Variants in CEP128 observed in about 807,000 individuals in gnomAD.
CEP128 encodes centrosomal protein 128, also known as centrosomal protein 128kDa.
In CEP128, 132 loss-of-function variants were observed where a neutral mutation model predicts 156.7. The observed-to-expected ratio is 0.84, with a 90% CI of 0.73 to 0.97. The LOEUF is 0.97. CEP128 is among the 50% of genes least tolerant of loss of function. CEP128 has a pLI of 0.00. For missense variants in CEP128, 1,252 were observed against 1,281.9 expected (o/e 0.98, Z 0.36); for synonymous variants, 469 against 448.9 (o/e 1.04, Z -0.57).
At chr14:80,628,467 A>C (rs1393572995) in intron 19 of CEP128, among the ~76,000 whole-genome samples, 2 of 152,240 alleles carry the variant, frequency 1.3e-5, no homozygotes, top group African/African-American at 4.8e-5. Flanking sequence ...AACTAATTTC[A>C]AACTATGAAC....
At chr14:80,732,757 G>C (rs1021419584) in intron 19 of CEP128, among the ~76,000 whole-genome samples, 1 of 152,052 alleles carries the variant, frequency 6.6e-6, no homozygotes, top group Non-Finnish European at 1.5e-5. Flanking sequence ...ACACCCACAA[G>C]AGTGTTCCTG....
chr14:80,814,551 A>G (rs1229492387), intron 13 of CEP128, among the ~76,000 whole-genome samples: 1 of 152,158 alleles, frequency 6.6e-6, no homozygotes, highest in Admixed American at 6.5e-5. Flanking sequence ...CCTAAGGGCC[A>G]GGGCAAACAA....
intron 23 of CEP128, among the ~76,000 whole-genome samples, chr14:80,516,838 T>C (rs764619742): frequency 1.3e-5 from 2 of 152,184 alleles, no homozygotes. Context: ...TGGGGAAGTG[T>C]AGGCAATTTA....
downstream of CEP128, among the ~76,000 whole-genome samples, chr14:80,488,328 T>C (rs1887217099): frequency 6.9e-6 from 1 of 144,978 alleles, no homozygotes; most frequent in Admixed American, 7.1e-5. Context: ...GTGAAGGATA[T>C]GAACAGACAC....
rs570800482 is a variant in CEP128, at chr14:80,738,135, A to G, written c.2806+4940T>C. ...GAAAAACTGTGAAATGATTTGCAGA[A>G]TAAGTGATAGACGAATGAGTGACTG... On this transcript the variant is annotated intron_variant, in intron 19 of 24. Coordinates refer to ENST00000555265, the MANE Select transcript of CEP128 (RefSeq NM_152446.5). Among the ~76,000 whole-genome samples, 3 of 152,334 alleles carry G rather than the reference A, an allele frequency of 2.0e-5. No individual in the cohort carries two copies. The South Asian group carries it at 6.2e-4, about 32-fold the overall frequency.
chr14:80,634,426 T>C (rs914194259), intron 19 of CEP128, among the ~76,000 whole-genome samples: 2 of 152,230 alleles, frequency 1.3e-5, no homozygotes, highest in Non-Finnish European at 2.9e-5. Context: ...TTTAAAAGTT[T>C]TGAAAGTGGT....
intron 24 of CEP128, among the ~76,000 whole-genome samples, chr14:80,502,137 C>G (rs1333732779): frequency 6.6e-6 from 1 of 152,218 alleles, no homozygotes; most frequent in Non-Finnish European, 1.5e-5. Flanking sequence ...AGCAGGACCT[C>G]TGCTGCTGCT....
At chr14:80,816,400 C>T (rs1884860514) in intron 13 of CEP128, among the ~76,000 whole-genome samples, 1 of 152,118 alleles carries the variant, frequency 6.6e-6, no homozygotes, top group Non-Finnish European at 1.5e-5. Context: ...CAATCAGCCC[C>T]AACTTGTAGA....
In CEP128 at chr14:80,792,902, T is replaced by C. The variant is rs998321054; in HGVS notation, c.1418A>G (p.Glu473Gly). Reference protein sequence around the residue: ...SELQQSEALKEEAEKRREDLK... With the variant: ...SELQQSEALKGEAEKRREDLK... The stretch of plus-strand genomic sequence containing the variant: ...GTCTTCCCTCCTCTTCTCCGCCTCC[T>C]CTTTCAGAGCCTCTGACTGCTGGAG... Residue 473 changes from glutamate to glycine, a missense_variant, in exon 14 of 25, where the codon GAG becomes GGG. By Grantham distance (98) the Glu-to-Gly change is moderately conservative (BLOSUM62 -2). Coordinates refer to ENST00000555265, the MANE Select transcript of CEP128 (RefSeq NM_152446.5). The C allele has an allele frequency of 2.8e-5, 46 of 1,614,050 alleles. No individual in the cohort carries two copies. The highest frequency in any genetic ancestry group is 3.6e-5 in the Non-Finnish European group (42 of 1,180,032).
At chr14:80,539,506 C>T (rs529474545) in intron 21 of CEP128, among the ~76,000 whole-genome samples, 1 of 152,326 alleles carries the variant, frequency 6.6e-6, no homozygotes, top group East Asian at 1.9e-4. Context: ...ACTTTAATCT[C>T]TTAATCCCAT....
At chr14:80,871,110 G>GAA (rs527979653) in intron 8 of CEP128, among the ~76,000 whole-genome samples, 36 of 151,148 alleles carry the variant, frequency 2.4e-4, no homozygotes, top group African/African-American at 7.3e-4. Flanking sequence ...ATAGCCAGTG[G>GAA]AAAAAAAAAT....
chr14:80,722,157 T>G (rs1897841328), intron 19 of CEP128, among the ~76,000 whole-genome samples: 2 of 152,190 alleles, frequency 1.3e-5, no homozygotes, highest in African/African-American at 2.4e-5. Context: ...TTTTATCCTT[T>G]GGAGCCGAAG....
At chr14:80,946,344 AT>A (rs1298180816), upstream of CEP128, among the ~76,000 whole-genome samples, 8 of 136,570 alleles carry the variant, frequency 5.9e-5, no homozygotes, top group Admixed American at 3.5e-4. Flanking sequence ...ATGCCTCATG[AT>A]GCATCATGAT....
intron 6 of CEP128, among the ~76,000 whole-genome samples, chr14:80,901,180 T>C (rs949904361): frequency 1.3e-5 from 2 of 151,122 alleles, no homozygotes; most frequent in Admixed American, 6.6e-5. Flanking sequence ...CACTCCAGCC[T>C]GGGCGACAGA....
chr14:80,827,074 T>G (rs1189731932), intron 13 of CEP128, among the ~76,000 whole-genome samples: 1 of 152,200 alleles, frequency 6.6e-6, no homozygotes, highest in Non-Finnish European at 1.5e-5. Context: ...ATTTTTACTG[T>G]TTTTCTCTAA....
chr14:80,505,869 T>C (rs1887948508), intron 23 of CEP128, among the ~76,000 whole-genome samples: 1 of 152,184 alleles, frequency 6.6e-6, no homozygotes, highest in African/African-American at 2.4e-5. Flanking sequence ...TCACAATAAT[T>C]TATTGGGCAC....
At chr14:80,803,528 C>T (rs1883998100) in intron 13 of CEP128, among the ~76,000 whole-genome samples, 1 of 152,094 alleles carries the variant, frequency 6.6e-6, no homozygotes, top group Non-Finnish European at 1.5e-5. Context: ...TCACACAGCT[C>T]CCAACACCAC....
At chr14:80,814,386 T>G (rs1265778610) in intron 13 of CEP128, among the ~76,000 whole-genome samples, 3 of 152,100 alleles carry the variant, frequency 2.0e-5, no homozygotes, top group African/African-American at 7.2e-5. Flanking sequence ...AATATTTTCT[T>G]CTGTTACACT....
intron 19 of CEP128, among the ~76,000 whole-genome samples, chr14:80,729,057 GGGTGTGTGTGTGTGTGTGTGT>G (rs1898139775): frequency 2.0e-5 from 2 of 102,170 alleles, no homozygotes; most frequent in Non-Finnish European, 3.4e-5. Context: ...GGGCTGGTGG[GGGTGTGTGTGTGTGTGTGTGT>G]GTGTGTGTGT....
Sources: allele counts gnomAD v4.1 joint callset (sites outside exome capture counted in the v4.1 genomes callset), GRCh38; gene constraint gnomAD v4.1.1; transcripts MANE v1.5; gene names NCBI Gene and HGNC (gene_info 2026-07-23, HGNC 2026-07-21).